Variants in CDK16 observed in about 807,000 individuals in gnomAD.
CDK16 encodes cyclin-dependent kinase 16.
Under a neutral mutation model 41.6 loss-of-function variants are expected in CDK16, and 2 were observed. That is an observed-to-expected ratio of 0.05 (90% CI 0.02 to 0.15). CDK16 has a LOEUF of 0.15. Among genes scored for constraint, CDK16 ranks in the 10% least tolerant of loss-of-function variants. The probability of loss-of-function intolerance (pLI) is 1.00; values close to 1 mark genes in which losing one functional copy is unlikely to be tolerated. For synonymous variants in CDK16, 169 were observed against 169.7 expected (o/e 1.00, Z 0.03); for missense variants, 228 against 428.9 (o/e 0.53, Z 4.14).
Position 47,224,452 on chromosome X carries a change from G to A in CDK16, c.270G>A (p.Ser90=), listed in dbSNP as rs1937493515. ...GESDQASATS[S]DEVQSPVRVR... ...GTGACCAGGCTTCAGCCACGTCCTC[G>A]GATGAGGTGCAGTCTCCAGTGAGAG... Residue 90 remains serine (S), a synonymous_variant, in exon 3 of 16, where the codon TCG becomes TCA. Coordinates refer to ENST00000357227, the MANE Select transcript of CDK16 (RefSeq NM_006201.5). 8 of 1,207,259 alleles carry A rather than the reference G, an allele frequency of 6.6e-6. No individual in the cohort carries two copies. Among genetic ancestry groups the A allele is most frequent in the Non-Finnish European group, 9.0e-6 (8 of 892,973 alleles).
rs1319997405 is a variant in CDK16, at chrX:47,229,021, TGCC to T, written c.*255_*257del. 4.3e-6 allele frequency: 2 copies of T among 461,300 alleles called. No individual in the cohort carries two copies. The highest frequency in any genetic ancestry group is 4.8e-5 in the African/African-American group (2 of 41,964). The allele number at this position is 461,300 out of a possible 1,213,427, so 38.0% of individuals were successfully genotyped here. A position where few individuals can be genotyped will look rare whatever the true frequency, so the allele number is the denominator to read the frequency against. The stretch of plus-strand genomic sequence containing the variant: ...GTCTGTCTGTCTCTGTCTTGGTAGT[TGCC>T]GGTGGACAGCATGGCCGTGCCAGCC... On this transcript the variant is annotated 3_prime_UTR_variant, in exon 16 of 16. Coordinates refer to ENST00000357227, the MANE Select transcript of CDK16 (RefSeq NM_006201.5).
Position 47,226,571 on chromosome X carries a change from TC to T in CDK16, c.917-11del, listed in dbSNP as rs1937551832. 1 of 1,209,098 alleles carries T rather than the reference TC, an allele frequency of 8.3e-7. No individual in the cohort carries two copies. The highest frequency in any genetic ancestry group is 1.7e-5 in the African/African-American group (1 of 57,788). The stretch of plus-strand genomic sequence containing the variant: ...ACTCCCTCATTCTAGCTGTCCTTTC[TC>T]TGATTTCCAGGCCTGGCCCGAGCCA... On this transcript the variant is annotated splice_polypyrimidine_tract_variant and intron_variant, in intron 9 of 15. Coordinates refer to ENST00000357227, the MANE Select transcript of CDK16 (RefSeq NM_006201.5).
chrX:47,219,246 A>G, intron 1 of CDK16, 141 bp downstream of exon 1: 1 of 609,241 alleles, frequency 1.6e-6, no homozygotes, highest in Non-Finnish European at 2.0e-6. Context: ...GCGGGGGGTC[A>G]TTTGGGGCCT....
chrX:47,224,286 T>C (rs1293225179), intron 2 of CDK16, 99 bp from the exon 3 acceptor site: 2 of 948,039 alleles, frequency 2.1e-6, no homozygotes, highest in Non-Finnish European at 2.9e-6. Context: ...GGGGGCCACG[T>C]GCACACATGT....
At chrX:47,220,092 A>G (rs1201198284) in intron 1 of CDK16, among the ~76,000 whole-genome samples, 2 of 110,408 alleles carry the variant, frequency 1.8e-5, no homozygotes, top group African/African-American at 6.6e-5. Flanking sequence ...TCGAGGGCAC[A>G]CTAGGAAGGA....
rs376250984 is a variant in CDK16, at chrX:47,229,486, C to G, written c.*718C>G. 10 of 279,994 alleles carry G rather than the reference C, an allele frequency of 3.6e-5. No individual in the cohort carries two copies. The highest frequency in any genetic ancestry group is 2.4e-4 in the East Asian group (2 of 8,389). 23.1% of individuals were successfully genotyped at this position (279,994 alleles called of 1,213,427 possible). On this transcript the variant is annotated 3_prime_UTR_variant, in exon 16 of 16. Coordinates refer to ENST00000357227, the MANE Select transcript of CDK16 (RefSeq NM_006201.5). ...TGGCTATGGGAAAGCATGCCACAGC[C>G]ACTCGCCTTCCTACCCCCGCCCGCC... is the stretch of plus-strand genomic sequence containing the variant.
chrX:47,223,423 C>T, intron 1 of CDK16, 129 bp from the exon 2 acceptor site: 3 of 993,705 alleles, frequency 3.0e-6, no homozygotes, highest in Non-Finnish European at 4.1e-6. Context: ...GCTCTGGGGT[C>T]CATAGTGGTT....
intron 1 of CDK16, chrX:47,222,802 C>G (rs1937391958): frequency 3.1e-6 from 1 of 320,744 alleles, no homozygotes; most frequent in Admixed American, 5.2e-5. Context: ...TGTGACTTGG[C>G]TTGTAAAAGT....
intron 1 of CDK16, chrX:47,223,319 A>T: frequency 8.7e-7 from 1 of 1,152,310 alleles, no homozygotes; most frequent in Non-Finnish European, 1.2e-6. Flanking sequence ...CAGGTGGGCT[A>T]CGTAGGAGCA....
chrX:47,222,943 G>C, intron 1 of CDK16: 1 of 768,381 alleles, frequency 1.3e-6, no homozygotes, highest in Non-Finnish European at 1.7e-6. Context: ...AGGACACCCT[G>C]ACACACGCTC....
chrX:47,228,630 C>G lies in CDK16; in HGVS notation c.1439C>G (p.Ser480Trp), dbSNP rs758900565. 3.3e-6 allele frequency: 4 copies of G among 1,210,576 alleles called. No individual in the cohort carries two copies. ...LQKEASLRSS[S>W]MPDSGRPAFR... ...AAGGAGGCCAGCCTTCGGTCTTCGT[C>G]GATGCCTGACTCAGGTAGGTATAGC... Residue 480 changes from serine (S) to tryptophan (W), a missense_variant, in exon 15 of 16, where the codon TCG becomes TGG. Physicochemically the swap from Ser to Trp is radical, Grantham distance 177. Around this residue, in one of 3 missense-constraint regions of CDK16, gnomAD observed 91 missense variants for 129.5 expected, o/e 0.70. Transcript: ENST00000357227.
In CDK16 at chrX:47,218,692, T is replaced by C. The variant is rs782102458; in HGVS notation, c.-420T>C. On this transcript the variant is annotated 5_prime_UTR_variant, in exon 1 of 16. Coordinates refer to ENST00000357227, the MANE Select transcript of CDK16 (RefSeq NM_006201.5). ...GAGTCCCCTCCTTTCCACTTCACCC[T>C]TCCGAGCGCCTGCGTGCGCATGCGC... 656 of 1,164,247 alleles carry C rather than the reference T, an allele frequency of 5.6e-4. No individual in the cohort carries two copies. The highest frequency in any genetic ancestry group is 7.2e-4 in the Non-Finnish European group (626 of 872,055).
At chrX:47,227,286 C>G (rs1937572725) in intron 13 of CDK16, 63 bp downstream of exon 13, 1 of 1,119,415 alleles carries the variant, frequency 8.9e-7, no homozygotes, top group South Asian at 1.9e-5. Flanking sequence ...ACAGGGACCC[C>G]CCCCCTCAAA....
chrX:47,223,248 A>C, intron 1 of CDK16: 2 of 1,156,911 alleles, frequency 1.7e-6, no homozygotes, highest in Non-Finnish European at 2.3e-6. Flanking sequence ...CTTTTCCCCT[A>C]GATCCCAACA....
At chrX:47,222,963 C>T (rs1188793039) in intron 1 of CDK16, 2 of 788,243 alleles carry the variant, frequency 2.5e-6, no homozygotes, top group South Asian at 6.5e-5. Flanking sequence ...CCCCTCCCCC[C>T]CCCCACCTGG....
chrX:47,218,913 ACCG>A lies in CDK16; in HGVS notation c.-184_-182del, dbSNP rs781924085. 158 of 1,037,209 alleles carry A rather than the reference ACCG, an allele frequency of 1.5e-4. No homozygotes were observed. Among genetic ancestry groups the A allele is most frequent in the Admixed American group, 7.6e-4 (19 of 25,112 alleles). 85.5% of individuals were successfully genotyped at this position (1,037,209 alleles called of 1,213,427 possible). On this transcript the variant is annotated 5_prime_UTR_variant, in exon 1 of 16. Coordinates refer to ENST00000357227, the MANE Select transcript of CDK16 (RefSeq NM_006201.5). ...GCGGGACGCCGCCTCCGCCTCAGCC[ACCG>A]CCGCCGCCGCCGCCTCCTCCTCCTC...
rs1295347714 is a variant in CDK16 at position 47,226,119 on chromosome X, C to CT, written c.792+99dup. 3.6e-6 allele frequency: 4 copies of CT among 1,117,232 alleles called. No homozygotes were observed. The South Asian group carries it at 7.7e-5, about 21-fold the overall frequency. The allele number at this position is 1,117,232 out of a possible 1,213,427, so 92.1% of individuals were successfully genotyped here. A position where few individuals can be genotyped will look rare whatever the true frequency, so the allele number is the denominator to read the frequency against. On this transcript the variant is annotated intron_variant, in intron 8 of 15. Transcript: ENST00000357227. ...CCCAGAAACGGACTTTTCCCTTTGG[C>CT]TTTTTTTGCTAGGAGCCCTTGGAGG...
Position 47,219,104 on chromosome X carries a change from C to T in CDK16, c.-8C>T. 2 of 812,949 alleles carry T rather than the reference C, an allele frequency of 2.5e-6. No individual in the cohort carries two copies. Among genetic ancestry groups the T allele is most frequent in the Non-Finnish European group, 3.0e-6 (2 of 675,820 alleles). The allele number at this position is 812,949 out of a possible 1,213,427, so 67.0% of individuals were successfully genotyped here. The stretch of plus-strand genomic sequence containing the variant: ...TCTGAGGTTGCTCGCGCGCCCCCGC[C>T]GGTGAGCGCGTCCCCGAGGCGTGGA... On this transcript the variant is annotated splice_region_variant and 5_prime_UTR_variant, in exon 1 of 16. Coordinates refer to ENST00000357227, the MANE Select transcript of CDK16 (RefSeq NM_006201.5).
At position 47,218,811 on chromosome X, in the gene CDK16, C is replaced by T. The variant is rs1937194771; in HGVS notation, c.-301C>T. 3 of 1,144,391 alleles carry T rather than the reference C, an allele frequency of 2.6e-6. No individual in the cohort carries two copies. The highest frequency in any genetic ancestry group is 2.6e-5 in the Admixed American group (1 of 38,155). 94.3% of individuals were successfully genotyped at this position (1,144,391 alleles called of 1,213,427 possible). ...CAGACCGCTCTGTGCCGCGAGCCGC[C>T]GTGAGCACTCGGATTCAAGCCGGCG... On this transcript the variant is annotated 5_prime_UTR_variant, in exon 1 of 16. Transcript: ENST00000357227.
Sources: gnomAD v4.1 joint callset for allele counts (sites outside exome capture counted in the v4.1 genomes callset) on GRCh38, gnomAD v4.1.1 for gene constraint, gnomAD v4.1.1 regional missense constraint, MANE v1.5 for transcripts, NCBI Gene and HGNC (gene_info 2026-07-23, HGNC 2026-07-21) for gene names.